VAV2: variants seen among roughly 807,000 people sequenced by gnomAD.
VAV2 encodes the protein vav guanine nucleotide exchange factor 2.
A neutral mutation model predicts 132.5 loss-of-function variants in VAV2; 67 were observed. The observed-to-expected ratio is 0.51, with a 90% confidence interval of 0.42 to 0.62. The LOEUF (loss-of-function observed/expected upper bound fraction) is 0.62. VAV2 is among the 20% of genes least tolerant of loss of function. The pLI is 0.00. For synonymous variants in VAV2, 492 were observed against 443.5 expected, an observed-to-expected ratio of 1.11 and a Z score of -1.37; for missense variants, 938 against 1,153.6, an observed-to-expected ratio of 0.81 and a Z score of 2.71.
At chr9:133,849,710 AG>A (rs1401288912) in intron 3 of VAV2, among the ~76,000 whole-genome samples, 1 of 152,154 alleles carries the variant, frequency 6.6e-6, no homozygotes, top group African/African-American at 2.4e-5. Flanking sequence ...TGCCTCTTCC[AG>A]CTCAGGTGGG....
intron 1 of VAV2, among the ~76,000 whole-genome samples, chr9:133,949,943 A>C (rs1324375649): frequency 6.6e-6 from 1 of 152,210 alleles, no homozygotes; most frequent in Non-Finnish European, 1.5e-5. Context: ...CCTGATTTCC[A>C]AACGAGCTCT....
intron 2 of VAV2, among the ~76,000 whole-genome samples, chr9:133,910,246 G>A (rs571424679): frequency 5.9e-5 from 9 of 152,170 alleles, no homozygotes; most frequent in Admixed American, 1.3e-4. Flanking sequence ...CTATGGCACC[G>A]TCACCCCTAT....
chr9:133,889,362 C>T (rs528227273), intron 2 of VAV2, among the ~76,000 whole-genome samples: 1 of 152,200 alleles, frequency 6.6e-6, no homozygotes, highest in Non-Finnish European at 1.5e-5. Context: ...TAGCTGCTGG[C>T]TTTCTAGACT....
At chr9:133,862,588 G>A (rs544373467) in intron 2 of VAV2, among the ~76,000 whole-genome samples, 10 of 152,354 alleles carry the variant, frequency 6.6e-5, no homozygotes, top group Non-Finnish European at 1.0e-4. Context: ...ATGTGTGTAC[G>A]TGTGTGTCTG....
At chr9:133,801,319 C>T (rs970619967) in intron 9 of VAV2, among the ~76,000 whole-genome samples, 14 of 152,248 alleles carry the variant, frequency 9.2e-5, no homozygotes, top group Non-Finnish European at 1.9e-4. Context: ...TGCATCCTCA[C>T]AGAAACACCA....
intron 1 of VAV2, among the ~76,000 whole-genome samples, chr9:133,989,880 G>A (rs999521011): frequency 4.6e-5 from 7 of 152,372 alleles, no homozygotes; most frequent in East Asian, 1.9e-4. Context: ...GGCAACAGCC[G>A]TACAAAGGTG....
At position 133,884,460 on chromosome 9, in the gene VAV2, A is replaced by AG. The variant is rs561635240; in HGVS notation, c.322-23029dup. ...GCCACACTTTGTCAATTAATTAGGG[A>AG]GGGGGGTGCCAGCCTGGGGGGCGTG... On this transcript the variant is annotated intron_variant, in intron 2 of 29. Coordinates refer to ENST00000371850, the MANE Select transcript of VAV2 (RefSeq NM_001134398.2). This position sits in a 1 kb window ranked among gnomAD's most constrained non-coding sequence, Gnocchi z 5.3. Among the ~76,000 whole-genome samples, 31 of 151,788 alleles carry AG rather than the reference A, an allele frequency of 2.0e-4. No individual in the cohort carries two copies. Among genetic ancestry groups the AG allele is most frequent in the Admixed American group, 1.6e-3 (25 of 15,280 alleles).
intron 2 of VAV2, among the ~76,000 whole-genome samples, chr9:133,896,297 T>C (rs1181644430): frequency 6.6e-6 from 1 of 151,902 alleles, no homozygotes; most frequent in Non-Finnish European, 1.5e-5. Flanking sequence ...CTACTAAAAG[T>C]ACAAAAATTA....
chr9:133,941,872 G>A (rs981994607), intron 1 of VAV2, among the ~76,000 whole-genome samples: 3 of 152,202 alleles, frequency 2.0e-5, no homozygotes, highest in East Asian at 3.9e-4. Context: ...CCAAAGTGCT[G>A]GGATTACAGG....
At chr9:133,819,562 C>G (rs1433361636) in intron 4 of VAV2, among the ~76,000 whole-genome samples, 4 of 152,214 alleles carry the variant, frequency 2.6e-5, no homozygotes, top group Admixed American at 2.6e-4. Flanking sequence ...TCTCTCCCTT[C>G]CATCCAATGT....
At chr9:133,963,581 G>A (rs1422490703) in intron 1 of VAV2, among the ~76,000 whole-genome samples, 1 of 152,210 alleles carries the variant, frequency 6.6e-6, no homozygotes, top group Non-Finnish European at 1.5e-5. Flanking sequence ...AGGGCTGTGG[G>A]CATCCAATCA....
chr9:133,787,271 T>TGGAGA lies in VAV2; in HGVS notation c.1408-16_1408-12dup, dbSNP rs1834264921. 2.5e-6 allele frequency: 4 copies of TGGAGA among 1,581,282 alleles called. No individual in the cohort carries two copies. The highest frequency in any genetic ancestry group is 2.7e-5 in the African/African-American group (2 of 73,934). On this transcript the variant is annotated splice_polypyrimidine_tract_variant and intron_variant, in intron 15 of 29. Transcript: ENST00000371850. ...CATTTTCCCGTGAGACTAGGAAGCA[T>TGGAGA]GGAGAGGAGAGGAAGGGGAAGACGG... is the stretch of plus-strand genomic sequence containing the variant.
intron 2 of VAV2, among the ~76,000 whole-genome samples, chr9:133,907,987 A>AC (rs1839732760): frequency 6.9e-5 from 1 of 14,412 alleles, no homozygotes; most frequent in Admixed American, 7.3e-4. Flanking sequence ...CTCCCACCCC[A>AC]CCCCCCTTCC....
Position 133,791,809 on chromosome 9 carries a change from C to T in VAV2, c.1162G>A (p.Glu388Lys), listed in dbSNP as rs1834473225. 3.1e-6 allele frequency: 5 copies of T among 1,614,044 alleles called. No homozygotes were observed. The highest frequency in any genetic ancestry group is 4.2e-6 in the Non-Finnish European group (5 of 1,180,046). The change falls in exon 13 of 30, where the codon GAA becomes AAA. Residue 388 changes from glutamate (E) to lysine (K), a missense_variant. Transcript: ENST00000371850. ...RDKETLRKIS[E>K]FQSSIENLQV... ...AAATTTTCTATAGAACTCTGAAATTCGCTGATTTTCCTCAAGGTCTCCTTG... is the reference window on the plus strand; with the variant it reads ...AAATTTTCTATAGAACTCTGAAATTTGCTGATTTTCCTCAAGGTCTCCTTG...
chr9:133,792,529 T>TGG (rs139211823), intron 12 of VAV2, among the ~76,000 whole-genome samples: 1 of 108,210 alleles, frequency 9.2e-6, no homozygotes, highest in Non-Finnish European at 2.0e-5. Context: ...TGTGTGTTAT[T>TGG]GTGTGTGTGT....
At chr9:133,952,525 C>T (rs1312245434) in intron 1 of VAV2, among the ~76,000 whole-genome samples, 1 of 151,944 alleles carries the variant, frequency 6.6e-6, no homozygotes, top group East Asian at 1.9e-4. Flanking sequence ...ATTACTTGAA[C>T]CCAGGAGGCG....
intron 4 of VAV2, among the ~76,000 whole-genome samples, chr9:133,818,339 C>T (rs1835649447): frequency 6.7e-6 from 1 of 148,584 alleles, no homozygotes; most frequent in African/African-American, 2.5e-5. Flanking sequence ...GCACTCCAGC[C>T]TGGGTGACAA....
Position 133,826,853 on chromosome 9 carries a change from T to C in VAV2, c.449+7419A>G, listed in dbSNP as rs897026407. ...GGCCTGGCCCTGCTGGGGACTGGGGTGTGCAGCCTACTTCACAGACAGGCA... is the reference window on the plus strand; with the variant it reads ...GGCCTGGCCCTGCTGGGGACTGGGGCGTGCAGCCTACTTCACAGACAGGCA... On this transcript the variant is annotated intron_variant, in intron 4 of 29. Coordinates refer to ENST00000371850, the MANE Select transcript of VAV2 (RefSeq NM_001134398.2). This position sits in a 1 kb window ranked among gnomAD's most constrained non-coding sequence, Gnocchi z 4.2. 6.6e-6 allele frequency among the ~76,000 whole-genome samples: 1 copy of C among 151,982 alleles called. No homozygotes were observed. Among genetic ancestry groups the C allele is most frequent in the Non-Finnish European group, 1.5e-5 (1 of 67,968 alleles).
At chr9:133,799,724 T>C (rs547659021) in intron 9 of VAV2, among the ~76,000 whole-genome samples, 1 of 152,180 alleles carries the variant, frequency 6.6e-6, no homozygotes, top group African/African-American at 2.4e-5. Context: ...CATATAAAAG[T>C]TGGTGAAAAC....
Sources: allele counts gnomAD v4.1 joint callset (sites outside exome capture counted in the v4.1 genomes callset), GRCh38; gene constraint gnomAD v4.1.1; non-coding constraint Gnocchi (gnomAD v3.1); transcripts MANE v1.5; gene names NCBI Gene and HGNC (gene_info 2026-07-23, HGNC 2026-07-21).